Variants in RASAL2 observed in about 807,000 individuals in gnomAD.
RASAL2 encodes the protein RAS protein activator like 2.
Under a neutral mutation model 128.9 loss-of-function variants are expected in RASAL2, and 58 were observed. The observed-to-expected ratio is 0.45, with a 90% confidence interval of 0.36 to 0.56. The LOEUF (loss-of-function observed/expected upper bound fraction) is 0.56. RASAL2 is among the 20% of genes least tolerant of loss of function. The pLI, the probability that RASAL2 is intolerant of heterozygous loss-of-function variation, is 0.00. For missense variants in RASAL2, 1,360 were observed against 1,601.6 expected, an observed-to-expected ratio of 0.85 and a Z score of 2.57; for synonymous variants, 561 against 580.8, an observed-to-expected ratio of 0.97 and a Z score of 0.49.
At chr1:178,320,514 G>T (rs1246715779) in intron 3 of RASAL2, among the ~76,000 whole-genome samples, 1 of 151,992 alleles carries the variant, frequency 6.6e-6, no homozygotes, top group Non-Finnish European at 1.5e-5. Context: ...TTTTTAAGCC[G>T]GTCTGAAAAG....
chr1:178,368,145 T>G (rs532680479), intron 3 of RASAL2, among the ~76,000 whole-genome samples: 1 of 152,208 alleles, frequency 6.6e-6, no homozygotes, highest in Non-Finnish European at 1.5e-5. Context: ...CCTGCCTAAA[T>G]TGGTCTCTGT....
At chr1:178,437,536 A>T (rs1035386608) in intron 5 of RASAL2, among the ~76,000 whole-genome samples, 2 of 152,156 alleles carry the variant, frequency 1.3e-5, no homozygotes, top group Non-Finnish European at 2.9e-5. Context: ...GAGAATTTAA[A>T]AAATAAAAGT....
intron 2 of RASAL2, among the ~76,000 whole-genome samples, chr1:178,286,351 C>G (rs1304500209): frequency 6.6e-6 from 1 of 152,152 alleles, no homozygotes; most frequent in Non-Finnish European, 1.5e-5. Context: ...TCTTTCATGG[C>G]TGCTGTCTAT....
chr1:178,299,996 C>CT lies in RASAL2; in HGVS notation c.336dup (p.Val113CysfsTer39). ...CTTTTGCTTTTGATTAACTAGATAC[C>CT]TGTGGAAGGGGGACAGGAGCAGCAG... is the stretch of plus-strand genomic sequence containing the variant. On this transcript the variant is annotated frameshift_variant, in exon 3 of 18. Transcript: ENST00000367649. LOFTEE classifies it high-confidence loss of function. 1 of 1,613,286 alleles carries CT rather than the reference C, an allele frequency of 6.2e-7. No individual in the cohort carries two copies. Among genetic ancestry groups the CT allele is most frequent in the Non-Finnish European group, 8.5e-7 (1 of 1,179,778 alleles).
intron 1 of RASAL2, among the ~76,000 whole-genome samples, chr1:178,111,601 A>G (rs1405960027): frequency 1.3e-5 from 2 of 152,154 alleles, no homozygotes; most frequent in Non-Finnish European, 2.9e-5. Flanking sequence ...AATTTTAGCC[A>G]TTTCAAGAGG....
At chr1:178,157,835 G>A (rs1284164406) in intron 1 of RASAL2, among the ~76,000 whole-genome samples, 1 of 152,044 alleles carries the variant, frequency 6.6e-6, no homozygotes, top group East Asian at 1.9e-4. Context: ...ATTGCTACAA[G>A]GTTTGTATAT....
At chr1:178,372,368 T>G in intron 3 of RASAL2, 4 of 984,758 alleles carry the variant, frequency 4.1e-6, no homozygotes, top group Non-Finnish European at 3.6e-6. Flanking sequence ...TTGTCTGAAC[T>G]TTTCTTACTT....
At chr1:178,324,252 T>G (rs1319078388) in intron 3 of RASAL2, among the ~76,000 whole-genome samples, 2 of 152,122 alleles carry the variant, frequency 1.3e-5, no homozygotes, top group African/African-American at 2.4e-5. Context: ...TGGACAGGTT[T>G]AAGCTATTAA....
chr1:178,209,992 G>A (rs531216746), intron 1 of RASAL2, among the ~76,000 whole-genome samples: 13 of 151,724 alleles, frequency 8.6e-5, no homozygotes, highest in South Asian at 4.2e-4. Context: ...AAATAACACC[G>A]CTTCTCCATT....
At chr1:178,143,882 A>G (rs531261173) in intron 1 of RASAL2, among the ~76,000 whole-genome samples, 3 of 152,124 alleles carry the variant, frequency 2.0e-5, no homozygotes, top group Admixed American at 2.0e-4. Flanking sequence ...AAAAACACCT[A>G]TCATTGAACC....
At chr1:178,361,021 A>C (rs1671078647) in intron 3 of RASAL2, among the ~76,000 whole-genome samples, 1 of 152,216 alleles carries the variant, frequency 6.6e-6, no homozygotes. Flanking sequence ...AGAAGTATAG[A>C]CCATGAGCTT....
At chr1:178,375,261 G>A (rs906107842) in intron 3 of RASAL2, among the ~76,000 whole-genome samples, 1 of 152,008 alleles carries the variant, frequency 6.6e-6, no homozygotes, top group African/African-American at 2.4e-5. Context: ...TGAAAAGAAC[G>A]CAGAATTCAT....
intron 3 of RASAL2, among the ~76,000 whole-genome samples, chr1:178,322,282 C>T (rs572798937): frequency 2.0e-5 from 3 of 152,100 alleles, no homozygotes; most frequent in African/African-American, 7.2e-5. Flanking sequence ...TAAAATATTT[C>T]CCACTTTTTA....
chr1:178,251,118 A>G (rs1325972252), intron 1 of RASAL2, among the ~76,000 whole-genome samples: 1 of 152,024 alleles, frequency 6.6e-6, no homozygotes, highest in African/African-American at 2.4e-5. Flanking sequence ...TTTGTTCCTG[A>G]CTCACTTGGA....
chr1:178,414,026 G>T (rs1015318911), intron 4 of RASAL2, among the ~76,000 whole-genome samples: 8 of 152,012 alleles, frequency 5.3e-5, no homozygotes, highest in Non-Finnish European at 1.2e-4. Context: ...GGAACCTTAG[G>T]TACATATTAC....
At chr1:178,364,900 GTATT>G (rs1297855154) in intron 3 of RASAL2, among the ~76,000 whole-genome samples, 1 of 151,896 alleles carries the variant, frequency 6.6e-6, no homozygotes, top group Non-Finnish European at 1.5e-5. Context: ...AGCTGTCACT[GTATT>G]TACTTTTTTT....
chr1:178,445,655 C>T lies in RASAL2; in HGVS notation c.1620C>T (p.Asp540=), dbSNP rs370544500. ...TGGTGGGACAACAGTATCTTCATGA[C>T]GCACTGGGTATGAAAGAGAAAAACA... The part of the protein sequence containing the change: ...LKLVGQQYLH[D]ALGEFIKALY... The change falls in exon 9 of 18, where the codon GAC becomes GAT. Residue 540 remains aspartate, a synonymous_variant. Coordinates refer to ENST00000367649, the MANE Select transcript of RASAL2 (RefSeq NM_170692.4). The T allele has an allele frequency of 2.0e-5, 33 of 1,610,958 alleles. No individual in the cohort carries two copies. Among genetic ancestry groups the T allele is most frequent in the Middle Eastern group, 3.3e-4 (2 of 6,062 alleles).
chr1:178,403,649 G>A lies in RASAL2; in HGVS notation c.564+13443G>A, dbSNP rs957578. ...TGTGGAAAAAGATAATATTAGATGT[G>A]TATCTCATACCTTACACAAGAGTAA... On this transcript the variant is annotated intron_variant, in intron 4 of 17. Coordinates refer to ENST00000367649, the MANE Select transcript of RASAL2 (RefSeq NM_170692.4). 5.4e-3 allele frequency among the ~76,000 whole-genome samples: 823 copies of A among 152,118 alleles called. 5 individuals carry two copies. Among genetic ancestry groups the A allele is most frequent in the African/African-American group, 0.019 (789 of 41,502 alleles).
At chr1:178,156,290 T>C (rs1661082164) in intron 1 of RASAL2, among the ~76,000 whole-genome samples, 1 of 152,218 alleles carries the variant, frequency 6.6e-6, no homozygotes, top group African/African-American at 2.4e-5. Context: ...GAATTCTCTC[T>C]CATTTATTAA....
Sources: gnomAD v4.1 joint callset for allele counts (sites outside exome capture counted in the v4.1 genomes callset) on GRCh38, gnomAD v4.1.1 for gene constraint, MANE v1.5 for transcripts, NCBI Gene and HGNC (gene_info 2026-07-23, HGNC 2026-07-21) for gene names.